Variants in ISM2 observed in about 807,000 individuals in gnomAD.
ISM2 encodes the protein isthmin-2.
ISM2 carries 50 observed loss-of-function variants against 58.0 expected under a neutral mutation model. The observed-to-expected ratio is 0.86, with a 90% CI of 0.69 to 1.09. ISM2 has a LOEUF of 1.09. ISM2 is among the 50% of genes least tolerant of loss of function. ISM2 has a pLI of 0.00. For synonymous variants in ISM2, 303 were observed against 312.4 expected (o/e 0.97, Z 0.32); for missense variants, 723 against 745.0 (o/e 0.97, Z 0.34).
chr14:77,498,049 T>C (rs2079258627), intron 1 of ISM2, among the ~76,000 whole-genome samples: 1 of 152,082 alleles, frequency 6.6e-6, no homozygotes, highest in South Asian at 2.1e-4. Flanking sequence ...AGACACAGGG[T>C]TTGACAGACC....
At chr14:77,479,841 G>A (rs2079121135) in intron 4 of ISM2, among the ~76,000 whole-genome samples, 2 of 151,672 alleles carry the variant, frequency 1.3e-5, no homozygotes, top group African/African-American at 2.4e-5. Context: ...TAAATTTTTT[G>A]TAGAGACGGG....
chr14:77,488,576 G>C (rs532528182), intron 1 of ISM2, among the ~76,000 whole-genome samples: 1 of 152,270 alleles, frequency 6.6e-6, no homozygotes, highest in South Asian at 2.1e-4. Context: ...CATGACCTCC[G>C]GCAGGTTACT....
chr14:77,498,459 G>T, intron 1 of ISM2, 194 bp downstream of exon 1: 1 of 1,179,534 alleles, frequency 8.5e-7, no homozygotes, highest in Non-Finnish European at 1.2e-6. Context: ...CGCGCGAGGA[G>T]TGGAAGCCCC....
rs2079097881 is a variant in ISM2 at position 77,476,230 on chromosome 14, A to T, written c.1199-118T>A. 20 of 1,179,572 alleles carry T rather than the reference A, an allele frequency of 1.7e-5. No homozygotes were observed. The African/African-American group carries it at 1.8e-4, about 11-fold the overall frequency. The allele number at this position is 1,179,572 out of a possible 1,614,324, so 73.1% of individuals were successfully genotyped here. ...GAAGGCCCAGGCCCCAGCTGGTGCA[A>T]AGGCGTGGCTTGGTAGGGCCTTGGG... On this transcript the variant is annotated intron_variant, in intron 6 of 6. Transcript: ENST00000342219.
rs778505046 is a variant in ISM2, at chr14:77,478,375, G to A, written c.1115-50C>T. 5.2e-6 allele frequency: 8 copies of A among 1,537,412 alleles called. No homozygotes were observed. In the South Asian group the frequency reaches 5.6e-5, roughly 11 times the overall value. On this transcript the variant is annotated intron_variant, in intron 5 of 6. Coordinates refer to ENST00000342219, the MANE Select transcript of ISM2 (RefSeq NM_199296.3). ...TGGTGGCTCCGCAGGCCACCTCAGT[G>A]CCGCTGATGGGGAAACCCCCCCACC...
At chr14:77,479,230 C>T (rs1452333207) in intron 4 of ISM2, among the ~76,000 whole-genome samples, 2 of 151,998 alleles carry the variant, frequency 1.3e-5, no homozygotes, top group East Asian at 1.9e-4. Context: ...CTAGGCCTGG[C>T]TAATTTTTTC....
Position 77,485,111 on chromosome 14 carries a change from G to A in ISM2, c.142-192C>T, listed in dbSNP as rs117093279. On this transcript the variant is annotated intron_variant, in intron 1 of 6. Coordinates refer to ENST00000342219, the MANE Select transcript of ISM2 (RefSeq NM_199296.3). ...CACTGCCTGCTTTAAGGCCCTCAAC[G>A]GGTAAGTGAGGGTGTAGCTGGTCAG... Among the ~76,000 whole-genome samples, 8 of 152,322 alleles carry A rather than the reference G, an allele frequency of 5.3e-5. No individual in the cohort carries two copies. The East Asian group carries it at 1.3e-3, about 26-fold the overall frequency.
intron 1 of ISM2, among the ~76,000 whole-genome samples, chr14:77,494,467 GC>G (rs2079226759): frequency 6.6e-6 from 1 of 151,924 alleles, no homozygotes; most frequent in Non-Finnish European, 1.5e-5. Flanking sequence ...CACAATCTCG[GC>G]TCACTATGAC....
intron 6 of ISM2, among the ~76,000 whole-genome samples, chr14:77,477,050 G>A (rs937633984): frequency 6.6e-6 from 1 of 152,090 alleles, no homozygotes; most frequent in African/African-American, 2.4e-5. Flanking sequence ...CATTTCACCC[G>A]GTCCCCATGG....
In ISM2 at chr14:77,478,340, G is replaced by A. The variant is rs375393097; in HGVS notation, c.1115-15C>T. On this transcript the variant is annotated splice_polypyrimidine_tract_variant and intron_variant, in intron 5 of 6. Coordinates refer to ENST00000342219, the MANE Select transcript of ISM2 (RefSeq NM_199296.3). ...GTCCTCAGTGCCTTTGGGAGGAAAGGAGGCCAGGCTGGTGGCTCCGCAGGC... is the reference window on the plus strand; with the variant it reads ...GTCCTCAGTGCCTTTGGGAGGAAAGAAGGCCAGGCTGGTGGCTCCGCAGGC... 8 of 1,611,010 alleles carry A rather than the reference G, an allele frequency of 5.0e-6. No individual in the cohort carries two copies. In the African/African-American group the frequency reaches 6.7e-5, roughly 13 times the overall value.
chr14:77,477,512 C>A (rs1476064804), intron 6 of ISM2, among the ~76,000 whole-genome samples: 2 of 152,172 alleles, frequency 1.3e-5, no homozygotes, highest in Non-Finnish European at 2.9e-5. Flanking sequence ...CACCCCTGTA[C>A]CAGAAAACAA....
At chr14:77,485,883 G>A (rs2079164558) in intron 1 of ISM2, among the ~76,000 whole-genome samples, 1 of 152,210 alleles carries the variant, frequency 6.6e-6, no homozygotes, top group Non-Finnish European at 1.5e-5. Context: ...TCCCATCTCT[G>A]CCTCTTACTA....
At chr14:77,497,367 C>CAAAAAAAA (rs35676781) in intron 1 of ISM2, among the ~76,000 whole-genome samples, 1 of 64,762 alleles carries the variant, frequency 1.5e-5, no homozygotes, top group African/African-American at 7.2e-5. Context: ...GGCTCTGTCT[C>CAAAAAAAA]AAAAAAAAAA....
In ISM2 at chr14:77,482,833, G is replaced by T. The variant is rs375262137; in HGVS notation, c.628-166C>A. 7.2e-5 allele frequency: 39 copies of T among 544,562 alleles called. No homozygotes were observed. In the African/African-American group the frequency reaches 7.2e-4, roughly 10 times the overall value. The allele number at this position is 544,562 out of a possible 1,614,324, so 33.7% of individuals were successfully genotyped here. A position where few individuals can be genotyped will look rare whatever the true frequency, so the allele number is the denominator to read the frequency against. ...TTGGCTAACCTTCCTGGCCTCTTAG[G>T]GCACAAGAATCACAGCTTACGGCCT... On this transcript the variant is annotated intron_variant, in intron 3 of 6. Coordinates refer to ENST00000342219, the MANE Select transcript of ISM2 (RefSeq NM_199296.3).
At chr14:77,477,820 A>G (rs941888362) in intron 6 of ISM2, among the ~76,000 whole-genome samples, 5 of 152,138 alleles carry the variant, frequency 3.3e-5, no homozygotes. Flanking sequence ...CGCCTGCCCC[A>G]TGCCCAGCTG....
chr14:77,495,703 G>A (rs12435437), intron 1 of ISM2, among the ~76,000 whole-genome samples: 10,429 of 152,108 alleles, frequency 0.069, 533 homozygotes, highest in Admixed American at 0.16. Context: ...GCTGCTAAAC[G>A]TTCTATGAAG....
chr14:77,480,581 A>G (rs1251556039), intron 4 of ISM2, among the ~76,000 whole-genome samples: 10 of 109,558 alleles, frequency 9.1e-5, no homozygotes, highest in Admixed American at 1.2e-4. Context: ...TTTTAGAGAC[A>G]GGGTCTCGCT....
At chr14:77,496,799 G>GAAAAAAAAAAAAAAAA (rs772342344) in intron 1 of ISM2, among the ~76,000 whole-genome samples, 1 of 25,788 alleles carries the variant, frequency 3.9e-5, no homozygotes, top group African/African-American at 1.8e-4. Context: ...TCCATCTCAG[G>GAAAAAAAAAAAAAAAA]AAAAAAAAAA....
intron 1 of ISM2, among the ~76,000 whole-genome samples, chr14:77,494,123 T>C (rs1307890960): frequency 1.3e-5 from 2 of 152,116 alleles, no homozygotes; most frequent in Non-Finnish European, 2.9e-5. Context: ...GAACATGACA[T>C]GCAAAGATGT....
Sources: allele counts gnomAD v4.1 joint callset (sites outside exome capture counted in the v4.1 genomes callset), GRCh38; gene constraint gnomAD v4.1.1; transcripts MANE v1.5; gene names NCBI Gene and HGNC (gene_info 2026-07-23, HGNC 2026-07-21).